The following CELSR1 variants were observed in gnomAD, a reference collection of about 807,000 sequenced individuals.
The protein encoded by CELSR1 is cadherin EGF LAG seven-pass G-type receptor 1, also known as adhesion G protein-coupled receptor C1.
Under a neutral mutation model 249.1 loss-of-function variants are expected in CELSR1, and 110 were observed. The ratio of observed to expected loss-of-function variants is 0.44; its 90% CI spans 0.38 to 0.52. The LOEUF is 0.52. Among genes scored for constraint, CELSR1 ranks in the 20% least tolerant of loss-of-function variants. The pLI is 0.00. For missense variants in CELSR1, 4,109 were observed against 4,296.4 expected, an observed-to-expected ratio of 0.96 and a Z score of 1.22; for synonymous variants, 2,113 against 1,900.0, an observed-to-expected ratio of 1.11 and a Z score of -2.92.
chr22:46,441,012 G>A lies in CELSR1; in HGVS notation c.4184-1601C>T, dbSNP rs926966055. Among the ~76,000 whole-genome samples, 2 of 152,054 alleles carry A rather than the reference G, an allele frequency of 1.3e-5. No homozygotes were observed. The highest frequency in any genetic ancestry group is 3.9e-4 in the East Asian group (2 of 5,188). On this transcript the variant is annotated intron_variant, in intron 2 of 34. Coordinates refer to ENST00000674500, the MANE Select transcript of CELSR1 (RefSeq NM_001378328.1). This position sits in a 1 kb window ranked among gnomAD's most constrained non-coding sequence, Gnocchi z 6.1. ...TACTAAAAATACAAAAATTAGCCAG[G>A]CGTGGTGGCGGGTGCCTGTAATCCC...
Position 46,363,965 on chromosome 22 carries a change from G to A in CELSR1, c.9035+31C>T, listed in dbSNP as rs976110559. On this transcript the variant is annotated intron_variant, in intron 34 of 34. Coordinates refer to ENST00000674500, the MANE Select transcript of CELSR1 (RefSeq NM_001378328.1). This position sits in a 1 kb window ranked among gnomAD's most constrained non-coding sequence, Gnocchi z 4.3. ...GACTCAGGACAAGGGGGAAGTGGGT[G>A]ATCCCCGCCCTGGAGGCCCAGGCTA... is the stretch of plus-strand genomic sequence containing the variant. 27 of 1,549,864 alleles carry A rather than the reference G, an allele frequency of 1.7e-5. No individual in the cohort carries two copies. The highest frequency in any genetic ancestry group is 2.3e-5 in the Non-Finnish European group (27 of 1,149,542).
intron 24 of CELSR1, among the ~76,000 whole-genome samples, chr22:46,373,730 T>TGGGGGAGAA (rs1207599954): frequency 6.7e-6 from 1 of 149,250 alleles, no homozygotes. Context: ...ATGGGAGCAA[T>TGGGGGAGAA]GGGAGCAATA....
At chr22:46,528,369 T>C (rs140185592) in intron 1 of CELSR1, among the ~76,000 whole-genome samples, 33 of 152,272 alleles carry the variant, frequency 2.2e-4, no homozygotes, top group Non-Finnish European at 4.1e-4. Flanking sequence ...CGAGTTTCAG[T>C]ATTTTCTGAC....
intron 5 of CELSR1, among the ~76,000 whole-genome samples, chr22:46,431,604 C>T (rs747032995): frequency 9.2e-5 from 14 of 152,220 alleles, no homozygotes; most frequent in Non-Finnish European, 1.8e-4. Context: ...GCTCTGGTGT[C>T]CAGCCCCAGC....
At chr22:46,477,332 A>AGTTTATCAGGAG (rs1569191146) in intron 1 of CELSR1, among the ~76,000 whole-genome samples, 1 of 151,950 alleles carries the variant, frequency 6.6e-6, no homozygotes, top group East Asian at 1.9e-4. Flanking sequence ...TTTATCAGGA[A>AGTTTATCAGGAG]CCTTCTGTTG....
intron 18 of CELSR1, among the ~76,000 whole-genome samples, chr22:46,386,919 G>A (rs1251607376): frequency 4.6e-5 from 7 of 151,950 alleles, no homozygotes; most frequent in Admixed American, 1.3e-4. Context: ...CACCACACCC[G>A]GCTAATTTTT....
intron 2 of CELSR1, among the ~76,000 whole-genome samples, chr22:46,442,884 G>C (rs1602142905): frequency 6.6e-6 from 1 of 151,898 alleles, no homozygotes; most frequent in East Asian, 1.9e-4. Context: ...GAGATCTGGA[G>C]ATCAAGACCA....
rs2079133533 is a variant in CELSR1 at position 46,395,068 on chromosome 22, T to C, written c.5844-806A>G. Among the ~76,000 whole-genome samples, 1 of 152,184 alleles carries C rather than the reference T, an allele frequency of 6.6e-6. No individual in the cohort carries two copies. Among genetic ancestry groups the C allele is most frequent in the Non-Finnish European group, 1.5e-5 (1 of 68,022 alleles). Reference sequence around the variant, plus strand: ...TTCCCTCCACCCAGCTGCCAGCCTCTAGCATTCACTCACTTGGCGAGCAAG... The same window carrying C: ...TTCCCTCCACCCAGCTGCCAGCCTCCAGCATTCACTCACTTGGCGAGCAAG... On this transcript the variant is annotated intron_variant, in intron 13 of 34. Coordinates refer to ENST00000674500, the MANE Select transcript of CELSR1 (RefSeq NM_001378328.1). This position sits in a 1 kb window ranked among gnomAD's most constrained non-coding sequence, Gnocchi z 5.5.
intron 2 of CELSR1, among the ~76,000 whole-genome samples, chr22:46,455,912 C>T (rs6008837): frequency 6.6e-6 from 1 of 152,350 alleles, no homozygotes; most frequent in East Asian, 1.9e-4. Flanking sequence ...AGCTTTACAG[C>T]TACGTACCAG....
intron 2 of CELSR1, among the ~76,000 whole-genome samples, chr22:46,449,353 A>C (rs1602151500): frequency 6.9e-6 from 1 of 144,004 alleles, no homozygotes; most frequent in Non-Finnish European, 1.5e-5. Flanking sequence ...CATCCATCCA[A>C]CCACCCATCA....
intron 2 of CELSR1, among the ~76,000 whole-genome samples, chr22:46,449,792 G>A (rs1241282365): frequency 6.6e-6 from 1 of 152,132 alleles, no homozygotes; most frequent in Non-Finnish European, 1.5e-5. Context: ...AAGAATTCAG[G>A]CAGGGCAGCC....
rs2080835401 is a variant in CELSR1 at position 46,534,985 on chromosome 22, G to A, written c.2186C>T (p.Thr729Ile). 2 of 1,611,936 alleles carry A rather than the reference G, an allele frequency of 1.2e-6. No homozygotes were observed. Among genetic ancestry groups the A allele is most frequent in the African/African-American group, 1.3e-5 (1 of 74,894 alleles). The change falls in exon 1 of 35, where the codon ACC becomes ATC. Residue 729 changes from threonine (T) to isoleucine (I), a missense_variant. Transcript: ENST00000674500. The surrounding 1 kb of genome is among the most constrained non-coding windows in gnomAD (Gnocchi z 9.7). ...GCTGCTGAGTGCAAAGCGGTTCCGGGTGTTGCCGCCTGTGAGCTGGTAGGT... is the reference window on the plus strand; with the variant it reads ...GCTGCTGAGTGCAAAGCGGTTCCGGATGTTGCCGCCTGTGAGCTGGTAGGT... ...VITYQLTGGN[T>I]RNRFALSSQR...
chr22:46,536,049 G>A lies in CELSR1; in HGVS notation c.1122C>T (p.Thr374=), dbSNP rs368899135. 1 of 1,610,718 alleles carries A rather than the reference G, an allele frequency of 6.2e-7. No individual in the cohort carries two copies. Among genetic ancestry groups the A allele is most frequent in the Non-Finnish European group, 8.5e-7 (1 of 1,179,910 alleles). Residue 374 remains threonine, a synonymous_variant, in exon 1 of 35, where the codon ACC becomes ACT. Transcript: ENST00000674500. ...GCGAGTCGCGGTCGCTGGCGCGGATGGTCAGCACCTCGTAGCCCACCTCCA... is the reference window on the plus strand; with the variant it reads ...GCGAGTCGCGGTCGCTGGCGCGGATAGTCAGCACCTCGTAGCCCACCTCCA... ...ENLEVGYEVL[T]IRASDRDSPI...
chr22:46,389,698 T>C (rs1411487451), intron 17 of CELSR1, among the ~76,000 whole-genome samples, 199 bp from the exon 18 acceptor site: 2 of 152,176 alleles, frequency 1.3e-5, no homozygotes, highest in Admixed American at 1.3e-4. Flanking sequence ...GGTAGATCAT[T>C]TGAGGTCAGG....
intron 1 of CELSR1, chr22:46,481,663 T>C (rs2080267684): frequency 1.6e-6 from 1 of 631,890 alleles, no homozygotes; most frequent in Non-Finnish European, 2.9e-6. Flanking sequence ...ACAATGCATC[T>C]TCCAGATGTT....
intron 1 of CELSR1, among the ~76,000 whole-genome samples, chr22:46,479,717 T>A (rs1218361258): frequency 2.0e-5 from 3 of 152,152 alleles, no homozygotes; most frequent in Non-Finnish European, 4.4e-5. Flanking sequence ...ATGGACAGGC[T>A]GTCTTATCAT....
intron 5 of CELSR1, among the ~76,000 whole-genome samples, chr22:46,422,880 A>G (rs2079493936): frequency 6.6e-6 from 1 of 152,178 alleles, no homozygotes; most frequent in Non-Finnish European, 1.5e-5. Context: ...TAAAAGGAAC[A>G]CGAAATCCAC....
Position 46,533,883 on chromosome 22 carries a change from G to A in CELSR1, c.3288C>T (p.Asp1096=). 7 of 1,613,572 alleles carry A rather than the reference G, an allele frequency of 4.3e-6. No individual in the cohort carries two copies. Among genetic ancestry groups the A allele is most frequent in the Non-Finnish European group, 5.9e-6 (7 of 1,180,032 alleles). Residue 1096 remains aspartate, a synonymous_variant, in exon 1 of 35, where the codon GAC becomes GAT. Coordinates refer to ENST00000674500, the MANE Select transcript of CELSR1 (RefSeq NM_001378328.1). ...TVHILLVDQN[D]NPPVLPDFQI... ...GGAAGTCGGGCAGCACAGGCGGGTT[G>A]TCATTCTGGTCCACGAGAAGGATGT...
chr22:46,368,651 G>C (rs967085700), intron 27 of CELSR1, among the ~76,000 whole-genome samples: 2 of 152,062 alleles, frequency 1.3e-5, no homozygotes, highest in African/African-American at 2.4e-5. Flanking sequence ...CCCTGTCGTG[G>C]CTCCTGGACG....
Sources: allele counts gnomAD v4.1 joint callset (sites outside exome capture counted in the v4.1 genomes callset), GRCh38; gene constraint gnomAD v4.1.1; non-coding constraint Gnocchi (gnomAD v3.1); transcripts MANE v1.5; gene names NCBI Gene and HGNC (gene_info 2026-07-23, HGNC 2026-07-21).